SGMS1: variants seen among roughly 807,000 people sequenced by gnomAD.
SGMS1 encodes phosphatidylcholine:ceramide cholinephosphotransferase 1.
In SGMS1, 13 loss-of-function variants were observed where a neutral mutation model predicts 46.2. That is an observed-to-expected ratio of 0.28 (90% CI 0.18 to 0.45). The LOEUF is 0.45. SGMS1 is among the 20% of genes least tolerant of loss of function. SGMS1 has a pLI of 1.00. For missense variants in SGMS1, 324 were observed against 519.9 expected (o/e 0.62, Z 3.66); for synonymous variants, 203 against 187.8 (o/e 1.08, Z -0.66).
chr10:50,451,404 C>G (rs573814024), intron 5 of SGMS1, among the ~76,000 whole-genome samples: 15 of 152,290 alleles, frequency 9.8e-5, no homozygotes, highest in African/African-American at 3.4e-4. Context: ...CAACCATTAT[C>G]CCTACTCTGA....
intron 3 of SGMS1, among the ~76,000 whole-genome samples, chr10:50,472,603 T>A (rs914211306): frequency 6.6e-6 from 1 of 152,212 alleles, no homozygotes; most frequent in Non-Finnish European, 1.5e-5. Context: ...TGTTTCCATA[T>A]CTGAGCTATT....
At chr10:50,578,014 G>A (rs929684755) in intron 2 of SGMS1, among the ~76,000 whole-genome samples, 1 of 152,324 alleles carries the variant, frequency 6.6e-6, no homozygotes, top group African/African-American at 2.4e-5. Flanking sequence ...TACATGTAAC[G>A]TTCAGAAAAG....
At chr10:50,555,502 G>A (rs984166053) in intron 2 of SGMS1, among the ~76,000 whole-genome samples, 1 of 152,178 alleles carries the variant, frequency 6.6e-6, no homozygotes, top group Non-Finnish European at 1.5e-5. Flanking sequence ...ATCCAGAGCT[G>A]CAGCAGTGTA....
At chr10:50,395,405 T>C (rs1848835362) in intron 6 of SGMS1, among the ~76,000 whole-genome samples, 1 of 152,218 alleles carries the variant, frequency 6.6e-6, no homozygotes, top group Admixed American at 6.5e-5. Context: ...TACTGATGCA[T>C]GTGGATGATT....
chr10:50,344,350 G>A lies in SGMS1; in HGVS notation c.-231-5C>T. ...TTTTGAGCAGGATTCTTCCTTCTGTGAAAGCAAGAGAAAATATCAAGATGC... is the reference window on the plus strand; with the variant it reads ...TTTTGAGCAGGATTCTTCCTTCTGTAAAAGCAAGAGAAAATATCAAGATGC... On this transcript the variant is annotated splice_polypyrimidine_tract_variant and splice_region_variant and intron_variant, in intron 6 of 10. Coordinates refer to ENST00000361781, the MANE Select transcript of SGMS1 (RefSeq NM_147156.4). 2.2e-6 allele frequency: 1 copy of A among 465,104 alleles called. No individual in the cohort carries two copies. Among genetic ancestry groups the A allele is most frequent in the Non-Finnish European group, 3.8e-6 (1 of 266,444 alleles). The allele number at this position is 465,104 out of a possible 1,614,324, so 28.8% of individuals were successfully genotyped here.
At chr10:50,450,795 T>A (rs1837097105) in intron 5 of SGMS1, among the ~76,000 whole-genome samples, 1 of 152,032 alleles carries the variant, frequency 6.6e-6, no homozygotes, top group African/African-American at 2.4e-5. Context: ...CTAATAAACC[T>A]TTTAAAATTA....
chr10:50,591,415 G>A (rs7074764), intron 1 of SGMS1, among the ~76,000 whole-genome samples: 31,803 of 151,988 alleles, frequency 0.21, 4,290 homozygotes, highest in East Asian at 0.64. Flanking sequence ...CATCACACCA[G>A]GGAGGCAGCC....
At chr10:50,454,050 C>CAAAAAAAAAAAAAAAA (rs71846628) in intron 5 of SGMS1, among the ~76,000 whole-genome samples, 8 of 97,996 alleles carry the variant, frequency 8.2e-5, no homozygotes, top group Admixed American at 1.2e-4. Flanking sequence ...TTTACATAGG[C>CAAAAAAAAAAAAAAAA]AAAAAAAAAA....
intron 6 of SGMS1, among the ~76,000 whole-genome samples, chr10:50,348,332 A>G (rs998326000): frequency 6.6e-6 from 1 of 152,218 alleles, no homozygotes; most frequent in Non-Finnish European, 1.5e-5. Flanking sequence ...AAGGCAAGAG[A>G]AAGAAATAAA....
intron 1 of SGMS1, among the ~76,000 whole-genome samples, chr10:50,617,151 TA>T (rs1220176984): frequency 5.3e-5 from 8 of 152,180 alleles, no homozygotes; most frequent in Admixed American, 1.3e-4. Context: ...TTTGGGGTGA[TA>T]AAAAATGTTC....
intron 1 of SGMS1, among the ~76,000 whole-genome samples, chr10:50,598,393 TCTTGTTACAGCAG>T (rs1437857634): frequency 6.6e-6 from 1 of 152,210 alleles, no homozygotes; most frequent in East Asian, 1.9e-4. Context: ...GCTATGGTAT[TCTTGTTACAGCAG>T]CCCAAACTAA....
At chr10:50,537,022 T>C (rs138148878) in intron 2 of SGMS1, among the ~76,000 whole-genome samples, 89 of 152,340 alleles carry the variant, frequency 5.8e-4, no homozygotes, top group Non-Finnish European at 1.1e-3. Context: ...ACATTGCTTC[T>C]TGTTTGGTCC....
chr10:50,411,111 T>C (rs1460806287), intron 6 of SGMS1, among the ~76,000 whole-genome samples: 1 of 152,152 alleles, frequency 6.6e-6, no homozygotes, highest in East Asian at 1.9e-4. Flanking sequence ...ACCATACTCG[T>C]GGTAGAAGCC....
chr10:50,461,043 C>G (rs1265277317), intron 4 of SGMS1, among the ~76,000 whole-genome samples: 1 of 152,032 alleles, frequency 6.6e-6, no homozygotes, highest in Admixed American at 6.6e-5. Flanking sequence ...ATAATATATA[C>G]ATATAATATA....
At chr10:50,566,957 TTG>T (rs1838293860) in intron 2 of SGMS1, among the ~76,000 whole-genome samples, 1 of 152,176 alleles carries the variant, frequency 6.6e-6, no homozygotes, top group African/African-American at 2.4e-5. Flanking sequence ...GTCGTTGTTG[TTG>T]TTTTTGAGAC....
intron 5 of SGMS1, among the ~76,000 whole-genome samples, chr10:50,453,925 G>A (rs977746518): frequency 2.7e-5 from 4 of 150,184 alleles, no homozygotes; most frequent in Non-Finnish European, 5.9e-5. Context: ...GGGAGAGAAG[G>A]AGTTTCCCCA....
At chr10:50,448,700 T>A (rs1837057800) in intron 5 of SGMS1, among the ~76,000 whole-genome samples, 1 of 137,662 alleles carries the variant, frequency 7.3e-6, no homozygotes, top group South Asian at 2.3e-4. Context: ...GCCAACATGG[T>A]GCCATTGTAC....
intron 7 of SGMS1, among the ~76,000 whole-genome samples, chr10:50,331,666 T>C (rs1179576670): frequency 2.0e-5 from 3 of 152,230 alleles, no homozygotes; most frequent in Non-Finnish European, 4.4e-5. Context: ...CTACCTGTTG[T>C]CCTTAACACC....
chr10:50,587,078 A>T (rs1838491115), intron 2 of SGMS1, among the ~76,000 whole-genome samples: 4 of 152,206 alleles, frequency 2.6e-5, no homozygotes, highest in Admixed American at 2.0e-4. Context: ...CACACACACA[A>T]AGAAAAGACA....
Sources: gnomAD v4.1 joint callset for allele counts (sites outside exome capture counted in the v4.1 genomes callset) on GRCh38, gnomAD v4.1.1 for gene constraint, MANE v1.5 for transcripts, NCBI Gene and HGNC (gene_info 2026-07-23, HGNC 2026-07-21) for gene names.